KCNQ5: variants seen among roughly 807,000 people sequenced by gnomAD.
KCNQ5 encodes the protein potassium voltage-gated channel subfamily KQT member 5.
KCNQ5 carries 30 observed loss-of-function variants against 98.2 expected under a neutral mutation model. The observed-to-expected ratio is 0.31, with a 90% CI of 0.23 to 0.41. The LOEUF (loss-of-function observed/expected upper bound fraction) is 0.41. KCNQ5 is among the 10% of genes least tolerant of loss of function. The pLI, the probability that KCNQ5 is intolerant of heterozygous loss-of-function variation, is 1.00. For missense variants in KCNQ5, 835 were observed against 1,182.5 expected (o/e 0.71, Z 4.31); for synonymous variants, 458 against 449.4 (o/e 1.02, Z -0.24).
chr6:72,706,837 T>C (rs775961321), intron 1 of KCNQ5, among the ~76,000 whole-genome samples: 2 of 152,210 alleles, frequency 1.3e-5, no homozygotes, highest in Non-Finnish European at 2.9e-5. Context: ...AAAAGTATCA[T>C]CTTTACTATT....
Position 72,622,252 on chromosome 6 carries a change from C to CGCAGCG in KCNQ5, c.66_71dup (p.Ala26_Ala27dup). 1.6e-6 allele frequency: 2 copies of CGCAGCG among 1,266,648 alleles called. No homozygotes were observed. The highest frequency in any genetic ancestry group is 2.0e-6 in the Non-Finnish European group (2 of 1,010,560). The allele number at this position is 1,266,648 out of a possible 1,614,324, so 78.5% of individuals were successfully genotyped here. On this transcript the variant is annotated inframe_insertion, in exon 1 of 14. Transcript: ENST00000370398. This position sits in a 1 kb window ranked among gnomAD's most constrained non-coding sequence, Gnocchi z 6.0. ...CCGCCGGGCTCTGGGTGAAGAGCGGCGCAGCGGCGGCGGCGGCGGGCGGGG... is the reference window on the plus strand; with the variant it reads ...CCGCCGGGCTCTGGGTGAAGAGCGGCGCAGCGGCAGCGGCGGCGGCGGCGGGCGGGG...
intron 1 of KCNQ5, among the ~76,000 whole-genome samples, chr6:72,701,301 G>A (rs1768792951): frequency 6.6e-6 from 1 of 152,098 alleles, no homozygotes; most frequent in African/African-American, 2.4e-5. Context: ...TAACGTTTAA[G>A]GCTTTTTACC....
At position 72,863,535 on chromosome 6, in the gene KCNQ5, G is replaced by A. The variant is rs550362204; in HGVS notation, c.399-140373G>A. On this transcript the variant is annotated intron_variant, in intron 1 of 13. Coordinates refer to ENST00000370398, the MANE Select transcript of KCNQ5 (RefSeq NM_019842.4). ...TATTGAAAGGACTCTAAAGGGCTTAGGGAAAGGAAAATTTCCCTAAACTGC... is the reference window on the plus strand; with the variant it reads ...TATTGAAAGGACTCTAAAGGGCTTAAGGAAAGGAAAATTTCCCTAAACTGC... Among the ~76,000 whole-genome samples the A allele has an allele frequency of 1.2e-3, 185 of 152,200 alleles. 2 individuals carry two copies. Among genetic ancestry groups the A allele is most frequent in the African/African-American group, 3.8e-3 (156 of 41,524 alleles).
intron 5 of KCNQ5, among the ~76,000 whole-genome samples, chr6:73,089,537 G>T (rs551916628): frequency 2.6e-5 from 4 of 152,192 alleles, no homozygotes; most frequent in Admixed American, 1.3e-4. Flanking sequence ...CACCCTATTT[G>T]TAGTCTTTTA....
chr6:72,804,066 T>G (rs1447752635), intron 1 of KCNQ5, among the ~76,000 whole-genome samples: 1 of 152,108 alleles, frequency 6.6e-6, no homozygotes, highest in Non-Finnish European at 1.5e-5. Context: ...ACAGTATACT[T>G]TTTAATGTTA....
intron 1 of KCNQ5, among the ~76,000 whole-genome samples, chr6:72,955,654 G>A (rs906103424): frequency 6.6e-6 from 1 of 152,132 alleles, no homozygotes; most frequent in Non-Finnish European, 1.5e-5. Context: ...CTTGAATAGT[G>A]TCTCAAATAT....
At chr6:72,694,305 G>A (rs1468910850) in intron 1 of KCNQ5, among the ~76,000 whole-genome samples, 5 of 152,144 alleles carry the variant, frequency 3.3e-5, no homozygotes, top group African/African-American at 1.2e-4. Context: ...CCCTGTGGCT[G>A]GGCAGGAAGA....
At chr6:72,962,751 G>A (rs1332968091) in intron 1 of KCNQ5, among the ~76,000 whole-genome samples, 4 of 152,158 alleles carry the variant, frequency 2.6e-5, no homozygotes, top group Non-Finnish European at 4.4e-5. Flanking sequence ...GCAGCATCCA[G>A]TTGTGAGGCC....
chr6:73,154,952 A>G (rs915691024), intron 10 of KCNQ5, among the ~76,000 whole-genome samples: 4 of 152,114 alleles, frequency 2.6e-5, no homozygotes, highest in African/African-American at 9.7e-5. Flanking sequence ...CCCATGAATG[A>G]CAAGGCACGG....
chr6:72,907,920 C>G (rs1399003903), intron 1 of KCNQ5, among the ~76,000 whole-genome samples: 2 of 151,878 alleles, frequency 1.3e-5, no homozygotes, highest in Non-Finnish European at 2.9e-5. Context: ...CTTAGTGGTG[C>G]CTTTTTCTGT....
chr6:72,814,295 A>G (rs2150107718), intron 1 of KCNQ5, among the ~76,000 whole-genome samples: 1 of 152,300 alleles, frequency 6.6e-6, no homozygotes, highest in East Asian at 1.9e-4. Flanking sequence ...TCACTATCCA[A>G]CCTGCAGCCA....
chr6:72,983,522 C>T (rs61566833), intron 1 of KCNQ5, among the ~76,000 whole-genome samples: 17,051 of 152,174 alleles, frequency 0.11, 1,288 homozygotes, highest in East Asian at 0.2. Flanking sequence ...TCAGCTCCAT[C>T]AGGTCATTTA....
At chr6:73,000,129 C>T (rs1191089344) in intron 1 of KCNQ5, among the ~76,000 whole-genome samples, 1 of 152,142 alleles carries the variant, frequency 6.6e-6, no homozygotes, top group East Asian at 1.9e-4. Flanking sequence ...CAGTAATCAG[C>T]ATGCATACAT....
intron 1 of KCNQ5, among the ~76,000 whole-genome samples, chr6:72,825,804 A>G (rs1775968208): frequency 6.6e-6 from 1 of 152,176 alleles, no homozygotes; most frequent in African/African-American, 2.4e-5. Flanking sequence ...TATTTGTCAA[A>G]TGAATGAATG....
chr6:72,780,909 G>T (rs1315339209), intron 1 of KCNQ5, among the ~76,000 whole-genome samples: 4 of 152,038 alleles, frequency 2.6e-5, no homozygotes, highest in African/African-American at 9.7e-5. Context: ...AAGAAAGAAT[G>T]AGCCCCAGGT....
chr6:72,709,920 CAGTA>C, intron 1 of KCNQ5, among the ~76,000 whole-genome samples: 1 of 152,112 alleles, frequency 6.6e-6, no homozygotes, highest in South Asian at 2.1e-4. Flanking sequence ...ACAAATTAAA[CAGTA>C]AGCAAATAAA....
intron 7 of KCNQ5, among the ~76,000 whole-genome samples, chr6:73,114,308 C>G (rs796515738): frequency 6.6e-6 from 1 of 152,144 alleles, no homozygotes; most frequent in Non-Finnish European, 1.5e-5. Context: ...AGCCCAAAAG[C>G]GTCTCATTTA....
chr6:72,834,861 T>G (rs1776433560), intron 1 of KCNQ5, among the ~76,000 whole-genome samples: 1 of 152,164 alleles, frequency 6.6e-6, no homozygotes, highest in Admixed American at 6.5e-5. Context: ...AATGATTTTC[T>G]TTTGGTTCCA....
At chr6:73,091,386 G>A (rs1310174426) in intron 5 of KCNQ5, among the ~76,000 whole-genome samples, 2 of 152,002 alleles carry the variant, frequency 1.3e-5, no homozygotes, top group Non-Finnish European at 2.9e-5. Context: ...ATGAGCTGAT[G>A]GGTGCAACAA....
Sources: gnomAD v4.1 joint callset for allele counts (sites outside exome capture counted in the v4.1 genomes callset) on GRCh38, gnomAD v4.1.1 for gene constraint, Gnocchi (gnomAD v3.1) non-coding constraint, MANE v1.5 for transcripts, NCBI Gene and HGNC (gene_info 2026-07-23, HGNC 2026-07-21) for gene names.